The following SRCIN1 variants were observed in gnomAD, a reference collection of about 807,000 sequenced individuals.
SRCIN1 encodes SRC kinase signaling inhibitor 1, also known as P130Cas-associated protein.
A neutral mutation model predicts 116.2 loss-of-function variants in SRCIN1; 50 were observed. That is an observed-to-expected ratio of 0.43 (90% CI 0.34 to 0.54). The LOEUF is 0.54. Among genes scored for constraint, SRCIN1 ranks in the 20% least tolerant of loss-of-function variants. SRCIN1 has a pLI of 0.02. For synonymous variants in SRCIN1, 736 were observed against 750.0 expected, an observed-to-expected ratio of 0.98 and a Z score of 0.30; for missense variants, 1,446 against 1,672.0, an observed-to-expected ratio of 0.86 and a Z score of 2.36.
chr17:38,578,838 TG>T, intron 1 of SRCIN1, 47 bp from the exon 2 acceptor site: 1 of 1,447,114 alleles, frequency 6.9e-7, no homozygotes, highest in East Asian at 2.5e-5. Flanking sequence ...GCGCCCGGCC[TG>T]GGGCTGCCCA....
At chr17:38,577,851 G>A (rs990082874) in intron 2 of SRCIN1, among the ~76,000 whole-genome samples, 2 of 152,168 alleles carry the variant, frequency 1.3e-5, no homozygotes, top group African/African-American at 4.8e-5. Context: ...CACAGGCGCT[G>A]TGTCTCCTCT....
intron 1 of SRCIN1, among the ~76,000 whole-genome samples, chr17:38,583,737 G>A (rs1030032141): frequency 4.4e-4 from 67 of 152,062 alleles, no homozygotes; most frequent in African/African-American, 1.4e-3. Flanking sequence ...ATTTTTAGTA[G>A]AGACGGAGTT....
In SRCIN1 at chr17:38,561,751, G is replaced by C. The variant is rs1046503087; in HGVS notation, c.1412C>G (p.Pro471Arg). 3.3e-6 allele frequency: 5 copies of C among 1,514,054 alleles called. No individual in the cohort carries two copies. Among genetic ancestry groups the C allele is most frequent in the Admixed American group, 2.1e-5 (1 of 48,666 alleles). 93.8% of individuals were successfully genotyped at this position (1,514,054 alleles called of 1,614,324 possible). The change falls in exon 7 of 19, where the codon CCG (proline) becomes CGG (arginine). Residue 471 changes from proline (P) to arginine (R), a missense_variant. By Grantham distance (103) the Pro-to-Arg change is moderately radical. This residue lies in a region of SRCIN1 where 398 missense variants were observed against 385.6 expected (regional missense o/e 1.03). Transcript: ENST00000617146. ...LYGDGYGFRL[P>R]PSSPQKLADV... The stretch of plus-strand genomic sequence containing the variant: ...GGCCAGCTTCTGCGGTGACGAAGGC[G>C]GCAGGCGGAAGCCGTAGCCGTCGCC...
chr17:38,584,078 C>T (rs1192092471), intron 1 of SRCIN1, among the ~76,000 whole-genome samples: 1 of 152,176 alleles, frequency 6.6e-6, no homozygotes, highest in Non-Finnish European at 1.5e-5. Context: ...CGTCCTGTTC[C>T]AGGCAGGGAG....
intron 1 of SRCIN1, among the ~76,000 whole-genome samples, chr17:38,594,931 C>T (rs62077544): frequency 0.068 from 10,291 of 152,136 alleles, 441 homozygotes; most frequent in African/African-American, 0.12. Context: ...TTGCCCTTAG[C>T]CATCAAGGTC....
intron 2 of SRCIN1, among the ~76,000 whole-genome samples, chr17:38,576,654 C>T (rs570954814): frequency 1.3e-5 from 2 of 152,156 alleles, no homozygotes; most frequent in South Asian, 4.1e-4. Flanking sequence ...CTGCTCAAAC[C>T]CGTCTCTGTA....
chr17:38,576,177 C>T (rs1481276922), intron 2 of SRCIN1, among the ~76,000 whole-genome samples: 1 of 152,120 alleles, frequency 6.6e-6, no homozygotes, highest in Non-Finnish European at 1.5e-5. Flanking sequence ...TCATCCTTTT[C>T]CTGGCCCAAT....
At chr17:38,573,848 T>C (rs1907243705) in intron 2 of SRCIN1, among the ~76,000 whole-genome samples, 1 of 152,216 alleles carries the variant, frequency 6.6e-6, no homozygotes, top group South Asian at 2.1e-4. Flanking sequence ...ACATTCCTGT[T>C]CCCCAAAGTT....
chr17:38,583,083 T>A (rs190836078), intron 1 of SRCIN1, among the ~76,000 whole-genome samples: 1 of 152,320 alleles, frequency 6.6e-6, no homozygotes, highest in Non-Finnish European at 1.5e-5. Flanking sequence ...ATTTATTTAT[T>A]TTTTGAGACA....
chr17:38,601,711 A>C (rs1369285547), intron 1 of SRCIN1, among the ~76,000 whole-genome samples: 1 of 151,720 alleles, frequency 6.6e-6, no homozygotes, highest in Admixed American at 6.6e-5. Context: ...CCCTTCCTGG[A>C]CTCTGACAAT....
chr17:38,554,009 C>T (rs1398204030), intron 11 of SRCIN1, among the ~76,000 whole-genome samples: 2 of 152,154 alleles, frequency 1.3e-5, no homozygotes, highest in Admixed American at 6.5e-5. Flanking sequence ...GTCAGGGGTT[C>T]GAGACCAACT....
chr17:38,551,813 A>G, intron 14 of SRCIN1, 73 bp downstream of exon 14: 7 of 1,604,290 alleles, frequency 4.4e-6, no homozygotes, highest in Non-Finnish European at 5.9e-6. Flanking sequence ...GGCACTCCCC[A>G]CTCTAGGAAG....
intron 11 of SRCIN1, among the ~76,000 whole-genome samples, chr17:38,554,130 GA>G (rs1905629193): frequency 6.6e-6 from 1 of 151,940 alleles, no homozygotes; most frequent in Non-Finnish European, 1.5e-5. Flanking sequence ...AGAATCGCTT[GA>G]ACCCAGGAGG....
intron 1 of SRCIN1, 107 bp from the exon 2 acceptor site, chr17:38,578,898 G>C: frequency 7.8e-7 from 1 of 1,285,040 alleles, no homozygotes; most frequent in Admixed American, 3.0e-5. Flanking sequence ...GGCCTAAGGA[G>C]AGTGGAGAGG....
At chr17:38,577,744 T>TTCTTGTCTG (rs1197291068) in intron 2 of SRCIN1, among the ~76,000 whole-genome samples, 4 of 152,148 alleles carry the variant, frequency 2.6e-5, no homozygotes, top group African/African-American at 9.7e-5. Flanking sequence ...AAGCTCATAC[T>TTCTTGTCTG]TGGGTGGAGA....
chr17:38,585,948 G>T lies in SRCIN1; in HGVS notation c.23-7157C>A, dbSNP rs1037256078. Among the ~76,000 whole-genome samples, 1 of 152,096 alleles carries T rather than the reference G, an allele frequency of 6.6e-6. No individual in the cohort carries two copies. The highest frequency in any genetic ancestry group is 2.4e-5 in the African/African-American group (1 of 41,400). On this transcript the variant is annotated intron_variant, in intron 1 of 18. Transcript: ENST00000617146. This position sits in a 1 kb window ranked among gnomAD's most constrained non-coding sequence, Gnocchi z 4.2. Reference sequence around the variant, plus strand: ...GGCCAGAAACTCTGCACCTCCCCACGGTGATCCCCACTCCCTGCCAGCCCA... The same window carrying T: ...GGCCAGAAACTCTGCACCTCCCCACTGTGATCCCCACTCCCTGCCAGCCCA...
At chr17:38,584,014 G>A (rs1358682219) in intron 1 of SRCIN1, among the ~76,000 whole-genome samples, 1 of 152,154 alleles carries the variant, frequency 6.6e-6, no homozygotes, top group African/African-American at 2.4e-5. Context: ...CACAGGGATC[G>A]ATTCCAATCT....
In SRCIN1 at chr17:38,572,464, G is replaced by T. The variant is rs945138246; in HGVS notation, c.325-4233C>A. The stretch of plus-strand genomic sequence containing the variant: ...GAGGGGGCGCCAGCCTGATTTTGGA[G>T]TGGGGGCCGGCCCACGCCGAAGGCA... On this transcript the variant is annotated intron_variant, in intron 2 of 18. Transcript: ENST00000617146. The surrounding 1 kb of genome is among the most constrained non-coding windows in gnomAD (Gnocchi z 4.3). Among the ~76,000 whole-genome samples, 3 of 152,126 alleles carry T rather than the reference G, an allele frequency of 2.0e-5. No individual in the cohort carries two copies. Among genetic ancestry groups the T allele is most frequent in the African/African-American group, 7.2e-5 (3 of 41,440 alleles).
At chr17:38,538,855 C>T (rs1015297845) in intron 18 of SRCIN1, among the ~76,000 whole-genome samples, 1 of 152,134 alleles carries the variant, frequency 6.6e-6, no homozygotes, top group African/African-American at 2.4e-5. Context: ...CACTTTTTAA[C>T]CGTGTGACCC....
Sources: gnomAD v4.1 joint callset for allele counts (sites outside exome capture counted in the v4.1 genomes callset) on GRCh38, gnomAD v4.1.1 for gene constraint, gnomAD v4.1.1 regional missense constraint, Gnocchi (gnomAD v3.1) non-coding constraint, MANE v1.5 for transcripts, NCBI Gene and HGNC (gene_info 2026-07-23, HGNC 2026-07-21) for gene names.